The following PCDHGC3 variants were observed in gnomAD, a reference collection of about 807,000 sequenced individuals.
PCDHGC3 encodes the protein protocadherin gamma-C3.
PCDHGC3 carries 26 observed loss-of-function variants against 59.2 expected under a neutral mutation model. The ratio of observed to expected loss-of-function variants is 0.44; its 90% confidence interval spans 0.32 to 0.61. The LOEUF is 0.61. Among genes scored for constraint, PCDHGC3 ranks in the 20% least tolerant of loss-of-function variants. PCDHGC3 has a pLI of 0.05. For synonymous variants in PCDHGC3, 487 were observed against 519.7 expected, an observed-to-expected ratio of 0.94 and a Z score of 0.86; for missense variants, 1,080 against 1,221.8, an observed-to-expected ratio of 0.88 and a Z score of 1.73.
Position 141,486,683 on chromosome 5 carries a change from G to C in PCDHGC3, c.2431-8124G>C, listed in dbSNP as rs1207359772. 6.2e-7 allele frequency: 1 copy of C among 1,613,974 alleles called. No individual in the cohort carries two copies. ...GGAGCCCAGGAATCGAGATGTATCA[G>C]CTTCCTCTTTCATCTCTCTGAACCC... On this transcript the variant is annotated intron_variant, in intron 1 of 3. Coordinates refer to ENST00000308177, the MANE Select transcript of PCDHGC3 (RefSeq NM_002588.4). This position sits in a 1 kb window ranked among gnomAD's most constrained non-coding sequence, Gnocchi z 5.0.
intron 2 of PCDHGC3, 91 bp from the exon 3 acceptor site, chr5:141,505,302 G>T: frequency 6.3e-7 from 1 of 1,592,714 alleles, no homozygotes; most frequent in Non-Finnish European, 8.5e-7. Context: ...TAGGGTTAGG[G>T]TACTAGGTTT....
At position 141,491,825 on chromosome 5, in the gene PCDHGC3, C is replaced by A. The variant is rs948385010; in HGVS notation, c.2431-2982C>A. ...CGGCTTGGTCGCTGGCTGCGCTCCA[C>A]CCGATTCTCGGGATCATTGGACCGT... On this transcript the variant is annotated intron_variant, in intron 1 of 3. Coordinates refer to ENST00000308177, the MANE Select transcript of PCDHGC3 (RefSeq NM_002588.4). This position sits in a 1 kb window ranked among gnomAD's most constrained non-coding sequence, Gnocchi z 6.9. 145 of 1,478,052 alleles carry A rather than the reference C, an allele frequency of 9.8e-5. No homozygotes were observed. Among genetic ancestry groups the A allele is most frequent in the Non-Finnish European group, 1.3e-4 (142 of 1,114,822 alleles). 91.6% of individuals were successfully genotyped at this position (1,478,052 alleles called of 1,614,324 possible). A position where few individuals can be genotyped will look rare whatever the true frequency, so the allele number is the denominator to read the frequency against.
At position 141,491,687 on chromosome 5, in the gene PCDHGC3, G is replaced by T. The variant is rs946829558; in HGVS notation, c.2431-3120G>T. 6.2e-7 allele frequency: 1 copy of T among 1,613,072 alleles called. No individual in the cohort carries two copies. Among genetic ancestry groups the T allele is most frequent in the African/African-American group, 1.3e-5 (1 of 75,046 alleles). On this transcript the variant is annotated intron_variant, in intron 1 of 3. Transcript: ENST00000308177. This position sits in a 1 kb window ranked among gnomAD's most constrained non-coding sequence, Gnocchi z 6.9. ...ATCCGGTCCCGCTCTAATACGCTGC[G>T]GGAGCGGAGCCAGGTGAGGGGCTCG...
At position 141,511,124 on chromosome 5, in the gene PCDHGC3, C is replaced by G; in HGVS notation, c.2756C>G (p.Ala919Gly). 1.9e-6 allele frequency: 3 copies of G among 1,614,206 alleles called. No individual in the cohort carries two copies. Among genetic ancestry groups the G allele is most frequent in the Non-Finnish European group, 2.5e-6 (3 of 1,180,022 alleles). The change falls in exon 4 of 4, where the codon GCA (alanine) becomes GGA (glycine). Residue 919 changes from alanine to glycine, a missense_variant. Transcript: ENST00000308177. ...AAGKRDGKAP[A>G]GGNGNKKKSG... ...GGCAAGCGGGATGGCAAGGCCCCAG[C>G]AGGTGGCAATGGCAACAAGAAGAAG...
intron 2 of PCDHGC3, among the ~76,000 whole-genome samples, chr5:141,503,166 A>T (rs1246987375): frequency 1.3e-5 from 2 of 151,884 alleles, no homozygotes; most frequent in Admixed American, 1.3e-4. Context: ...CACAATTGCA[A>T]TTACTCTATT....
In PCDHGC3 at chr5:141,477,650, A is replaced by G. The variant is rs199931735; in HGVS notation, c.1534A>G (p.Ile512Val). ...CGGGCTAGTGGGTCGCTATTTCACA[A>G]TAAATCGTGACAATGGCATAGTGTC... ...ETGLVGRYFT[I>V]NRDNGIVSSL... The change falls in exon 1 of 4, where the codon ATA becomes GTA. Residue 512 changes from isoleucine to valine, a missense_variant. By Grantham distance (29) the Ile-to-Val change is conservative (BLOSUM62 3). Transcript: ENST00000308177. This position sits in a 1 kb window ranked among gnomAD's most constrained non-coding sequence, Gnocchi z 4.9. The G allele has an allele frequency of 6.2e-6, 10 of 1,614,212 alleles. No individual in the cohort carries two copies. The highest frequency in any genetic ancestry group is 2.2e-5 in the East Asian group (1 of 44,888).
At chr5:141,500,223 T>TATTG (rs1554186512) in intron 2 of PCDHGC3, among the ~76,000 whole-genome samples, 5 of 145,410 alleles carry the variant, frequency 3.4e-5, no homozygotes, top group African/African-American at 5.2e-5. Context: ...TTTATTTATT[T>TATTG]ATTGATACGT....
Position 141,486,316 on chromosome 5 carries a change from A to G in PCDHGC3, c.2430+7770A>G, listed in dbSNP as rs1251956899. The G allele has an allele frequency of 6.2e-7, 1 of 1,614,066 alleles. No individual in the cohort carries two copies. On this transcript the variant is annotated intron_variant, in intron 1 of 3. Transcript: ENST00000308177. This position sits in a 1 kb window ranked among gnomAD's most constrained non-coding sequence, Gnocchi z 5.0. ...GTGTGCAGGATCCAGACTCAGGGTC[A>G]AACGGAGATGTGAGCCTCCGCATTC...
At chr5:141,499,029 A>AAGGAAGGAAGGAAGG (rs1562187768) in intron 2 of PCDHGC3, among the ~76,000 whole-genome samples, 10 of 139,968 alleles carry the variant, frequency 7.1e-5, no homozygotes, top group African/African-American at 2.8e-4. Context: ...AGGAAGGAAG[A>AAGGAAGGAAGGAAGG]AAAGAAAGAA....
At position 141,505,383 on chromosome 5, in the gene PCDHGC3, C is replaced by G. The variant is rs369765886; in HGVS notation, c.2490-10C>G. On this transcript the variant is annotated splice_polypyrimidine_tract_variant and intron_variant, in intron 2 of 3. Transcript: ENST00000308177. ...GGGAGTCTGTGCTCACCATCCTACT[C>G]TCTCCCCAGCTCCCAAAATGGCGAT... The G allele has an allele frequency of 6.2e-7, 1 of 1,613,944 alleles. No homozygotes were observed. The highest frequency in any genetic ancestry group is 1.3e-5 in the African/African-American group (1 of 74,914).
intron 3 of PCDHGC3, among the ~76,000 whole-genome samples, chr5:141,509,064 C>T (rs890846779): frequency 6.6e-6 from 1 of 152,184 alleles, no homozygotes; most frequent in African/African-American, 2.4e-5. Flanking sequence ...AAGCTCTCAG[C>T]TCCGGGGATT....
chr5:141,488,985 C>G lies in PCDHGC3; in HGVS notation c.2431-5822C>G, dbSNP rs574857958. On this transcript the variant is annotated intron_variant, in intron 1 of 3. Transcript: ENST00000308177. ...ACTTTTTGGCCAATCAGACTCAGAG[C>G]TGAGGTGGGAGATCTGCTCTTCCAG... The G allele has an allele frequency of 7.4e-6, 3 of 405,188 alleles. No homozygotes were observed. In the South Asian group the frequency reaches 2.4e-4, roughly 32 times the overall value. The allele number at this position is 405,188 out of a possible 1,614,324, so 25.1% of individuals were successfully genotyped here.
At chr5:141,480,726 G>A (rs2099524533) in intron 1 of PCDHGC3, among the ~76,000 whole-genome samples, 1 of 152,138 alleles carries the variant, frequency 6.6e-6, no homozygotes, top group Non-Finnish European at 1.5e-5. Context: ...CACAGTCTCT[G>A]GGGGTGGGAC....
At position 141,476,606 on chromosome 5, in the gene PCDHGC3, G is replaced by T. The variant is rs2099394832; in HGVS notation, c.490G>T (p.Val164Leu). The stretch of plus-strand genomic sequence containing the variant: ...GCTCGAGAGCGCGCACGATCCCGAT[G>T]TGGGAAGCAACTCTTTACAAACCTA... ...FPLESAHDPD[V>L]GSNSLQTYEL... The change falls in exon 1 of 4, where the codon GTG becomes TTG. Residue 164 changes from valine (V) to leucine (L), a missense_variant. Physicochemically the swap from Val to Leu is conservative, Grantham distance 32. Transcript: ENST00000308177. The surrounding 1 kb of genome is among the most constrained non-coding windows in gnomAD (Gnocchi z 7.6). The T allele has an allele frequency of 1.9e-6, 3 of 1,614,126 alleles. No individual in the cohort carries two copies. Among genetic ancestry groups the T allele is most frequent in the Non-Finnish European group, 1.7e-6 (2 of 1,180,054 alleles).
chr5:141,481,913 CAAAAAA>C (rs34114744), intron 1 of PCDHGC3, among the ~76,000 whole-genome samples: 1 of 90,850 alleles, frequency 1.1e-5, no homozygotes. Flanking sequence ...AACTCCATCT[CAAAAAA>C]AAAAAAAAAA....
rs1299573831 is a variant in PCDHGC3 at position 141,500,662 on chromosome 5, T to A, written c.2490-4731T>A. 5.3e-5 allele frequency among the ~76,000 whole-genome samples: 8 copies of A among 152,352 alleles called. No homozygotes were observed. The East Asian group carries it at 1.5e-3, about 29-fold the overall frequency. ...TTTTTAAAAATAGCAACTGAGGCCA[T>A]ACTGTCCAACAGAATTATAGCTTTT... On this transcript the variant is annotated intron_variant, in intron 2 of 3. Coordinates refer to ENST00000308177, the MANE Select transcript of PCDHGC3 (RefSeq NM_002588.4).
chr5:141,496,467 T>A (rs1334392771), intron 2 of PCDHGC3, among the ~76,000 whole-genome samples: 1 of 152,056 alleles, frequency 6.6e-6, no homozygotes, highest in Non-Finnish European at 1.5e-5. Context: ...GAGTTATCTT[T>A]CCCCCATCCT....
chr5:141,491,794 TCCGG>T lies in PCDHGC3; in HGVS notation c.2431-3007_2431-3004del. The T allele has an allele frequency of 6.6e-7, 1 of 1,511,056 alleles. No homozygotes were observed. The highest frequency in any genetic ancestry group is 8.8e-7 in the Non-Finnish European group (1 of 1,130,146). 93.6% of individuals were successfully genotyped at this position (1,511,056 alleles called of 1,614,324 possible). A position where few individuals can be genotyped will look rare whatever the true frequency, so the allele number is the denominator to read the frequency against. Reference sequence around the variant, plus strand: ...GGGATTGAACTTGCATCCACTCCTCTCCGGCCGGCTTGGTCGCTGGCTGCGCTCC... The same window carrying T: ...GGGATTGAACTTGCATCCACTCCTCTCCGGCTTGGTCGCTGGCTGCGCTCC... On this transcript the variant is annotated intron_variant, in intron 1 of 3. Transcript: ENST00000308177. The surrounding 1 kb of genome is among the most constrained non-coding windows in gnomAD (Gnocchi z 6.9).
At chr5:141,510,349 C>T (rs1461596705) in intron 3 of PCDHGC3, among the ~76,000 whole-genome samples, 1 of 148,468 alleles carries the variant, frequency 6.7e-6, no homozygotes, top group Non-Finnish European at 1.5e-5. Context: ...CACACACTTA[C>T]TAACGGAACT....
Sources: gnomAD v4.1 joint callset for allele counts (sites outside exome capture counted in the v4.1 genomes callset) on GRCh38, gnomAD v4.1.1 for gene constraint, Gnocchi (gnomAD v3.1) non-coding constraint, MANE v1.5 for transcripts, NCBI Gene and HGNC (gene_info 2026-07-23, HGNC 2026-07-21) for gene names.